Variants in FNTB observed in about 807,000 individuals in gnomAD.
FNTB encodes protein farnesyltransferase subunit beta.
FNTB carries 27 observed loss-of-function variants against 59.4 expected under a neutral mutation model. The observed-to-expected ratio is 0.45, with a 90% CI of 0.34 to 0.63. The LOEUF (loss-of-function observed/expected upper bound fraction) is 0.63. Ranked by LOEUF, FNTB falls within the 20% of genes least tolerant of loss-of-function variation. The pLI, the probability that FNTB is intolerant of heterozygous loss-of-function variation, is 0.02. For missense variants in FNTB, 449 were observed against 559.6 expected (o/e 0.80, Z 1.99); for synonymous variants, 230 against 220.7 (o/e 1.04, Z -0.37).
rs941511294 is a variant in FNTB at position 64,997,760 on chromosome 14, A to C, written c.145-6489A>C. 5.3e-5 allele frequency among the ~76,000 whole-genome samples: 8 copies of C among 152,262 alleles called. No individual in the cohort carries two copies. Among genetic ancestry groups the C allele is most frequent in the Non-Finnish European group, 1.2e-4 (8 of 68,052 alleles). ...TAAGGTTTGTTATGCAGGTTTAGGC[A>C]GGTGCCTTCTCCATTGGTAAGAGTT... On this transcript the variant is annotated intron_variant, in intron 1 of 11. Transcript: ENST00000246166. The surrounding 1 kb of genome is among the most constrained non-coding windows in gnomAD (Gnocchi z 4.5).
chr14:64,992,865 G>T (rs1313589952), intron 1 of FNTB, among the ~76,000 whole-genome samples: 2 of 152,006 alleles, frequency 1.3e-5, no homozygotes, highest in African/African-American at 2.4e-5. Flanking sequence ...TAAAGACAGG[G>T]TCTCACTCTG....
chr14:65,032,732 G>A lies in FNTB; in HGVS notation c.692+36G>A, dbSNP rs7148144. On this transcript the variant is annotated intron_variant, in intron 7 of 11. Transcript: ENST00000246166. This position sits in a 1 kb window ranked among gnomAD's most constrained non-coding sequence, Gnocchi z 5.0. ...CCAGGGTTTCTCCTGGCCTCTTGGA[G>A]AGCAGGCGGTCACGACACTACTTCA... 157,943 of 1,599,550 alleles carry A rather than the reference G, an allele frequency of 0.099. 14,256 individuals are homozygous for A. Among genetic ancestry groups the A allele is most frequent in the African/African-American group, 0.43 (31,994 of 74,214 alleles).
chr14:65,014,666 T>C lies in FNTB; in HGVS notation c.283-959T>C, dbSNP rs756057012. On this transcript the variant is annotated intron_variant, in intron 3 of 11. Transcript: ENST00000246166. The surrounding 1 kb of genome is among the most constrained non-coding windows in gnomAD (Gnocchi z 5.1). ...CTGTCTCTATAAAAACTTAAAAAAT[T>C]AGCCAGGCATAGTGGTGTGTGCCCG... Among the ~76,000 whole-genome samples, 3 of 152,030 alleles carry C rather than the reference T, an allele frequency of 2.0e-5. No individual in the cohort carries two copies. Among genetic ancestry groups the C allele is most frequent in the Admixed American group, 6.6e-5 (1 of 15,244 alleles).
intron 9 of FNTB, among the ~76,000 whole-genome samples, chr14:65,050,279 T>A (rs1167778186): frequency 1.3e-5 from 2 of 152,212 alleles, no homozygotes; most frequent in African/African-American, 4.8e-5. Context: ...TTTACCATTT[T>A]AATTGCTGAT....
At chr14:65,005,449 T>TCTTCC (rs1446984518) in intron 2 of FNTB, among the ~76,000 whole-genome samples, 8 of 119,812 alleles carry the variant, frequency 6.7e-5, no homozygotes, top group African/African-American at 2.2e-4. Context: ...TCTTCCTTTC[T>TCTTCC]TTTCTTTCTT....
chr14:65,020,330 C>G (rs557269623), intron 4 of FNTB, among the ~76,000 whole-genome samples: 6 of 152,254 alleles, frequency 3.9e-5, no homozygotes, highest in African/African-American at 1.4e-4. Context: ...CTGGGCTGGT[C>G]TCAATCTCCT....
chr14:65,008,171 G>A (rs184841398), intron 2 of FNTB, among the ~76,000 whole-genome samples: 2 of 152,258 alleles, frequency 1.3e-5, no homozygotes, highest in East Asian at 3.9e-4. Context: ...CTTATTTTTT[G>A]ACTAGAGAGG....
At chr14:65,022,611 C>T (rs2061909735) in intron 4 of FNTB, among the ~76,000 whole-genome samples, 2 of 152,042 alleles carry the variant, frequency 1.3e-5, no homozygotes, top group South Asian at 4.1e-4. Flanking sequence ...AAGTGATCCT[C>T]CTGCCTTGGC....
chr14:64,996,827 A>G (rs1888415230), intron 1 of FNTB, among the ~76,000 whole-genome samples: 1 of 141,490 alleles, frequency 7.1e-6, no homozygotes, highest in Non-Finnish European at 1.5e-5. Context: ...AATTAGAAAT[A>G]TAGCCAAAGC....
intron 9 of FNTB, among the ~76,000 whole-genome samples, chr14:65,052,767 G>T (rs569541550): frequency 2.0e-5 from 3 of 152,208 alleles, no homozygotes; most frequent in Non-Finnish European, 1.5e-5. Flanking sequence ...TTTAGGCTTA[G>T]AAAAGTAGAA....
At chr14:65,022,226 T>C (rs1265378500) in intron 4 of FNTB, 3 of 368,490 alleles carry the variant, frequency 8.1e-6, no homozygotes, top group Non-Finnish European at 1.6e-5. Context: ...CATCCCCTCC[T>C]AAGCCGTTCT....
At chr14:64,998,087 A>G (rs958600636) in intron 1 of FNTB, among the ~76,000 whole-genome samples, 1 of 152,166 alleles carries the variant, frequency 6.6e-6, no homozygotes, top group African/African-American at 2.4e-5. Context: ...AACATTTAAA[A>G]GGTTTGTTAT....
chr14:65,021,956 A>T (rs2061895624), intron 4 of FNTB: 1 of 455,894 alleles, frequency 2.2e-6, no homozygotes, highest in African/African-American at 2.0e-5. Flanking sequence ...TATAGTAGCC[A>T]ACTTTCGACC....
At position 65,027,629 on chromosome 14, in the gene FNTB, C is replaced by G. The variant is rs772339288; in HGVS notation, c.521+30C>G. ...AGTGAAAGCCAGCAGTGACAGAAAC[C>G]TAGAGGAGTTCCCCGCCTGCTGACA... On this transcript the variant is annotated intron_variant, in intron 5 of 11. Coordinates refer to ENST00000246166, the MANE Select transcript of FNTB (RefSeq NM_002028.4). This position sits in a 1 kb window ranked among gnomAD's most constrained non-coding sequence, Gnocchi z 5.7. 1.9e-6 allele frequency: 3 copies of G among 1,614,032 alleles called. No individual in the cohort carries two copies. Among genetic ancestry groups the G allele is most frequent in the Non-Finnish European group, 2.5e-6 (3 of 1,179,936 alleles).
At chr14:64,996,211 G>T (rs1257160373) in intron 1 of FNTB, among the ~76,000 whole-genome samples, 1 of 152,092 alleles carries the variant, frequency 6.6e-6, no homozygotes, top group Non-Finnish European at 1.5e-5. Flanking sequence ...AGCACTTTGG[G>T]AGGCTGAGGC....
At chr14:65,025,136 C>G (rs1396202155) in intron 4 of FNTB, among the ~76,000 whole-genome samples, 1 of 152,138 alleles carries the variant, frequency 6.6e-6, no homozygotes, top group East Asian at 1.9e-4. Flanking sequence ...TCTAGCACAG[C>G]CCCAGACAGT....
intron 7 of FNTB, among the ~76,000 whole-genome samples, chr14:65,036,793 A>G (rs944844557): frequency 6.6e-6 from 1 of 151,956 alleles, no homozygotes; most frequent in Non-Finnish European, 1.5e-5. Context: ...GCCTGCCACC[A>G]TGCCTGACTA....
chr14:64,987,463 A>G (rs1004798634), intron 1 of FNTB: 6 of 255,596 alleles, frequency 2.3e-5, no homozygotes, highest in African/African-American at 2.2e-5. Context: ...TGCATAGTGC[A>G]CTTTTCCCAA....
At chr14:65,037,262 C>T (rs910791372) in intron 7 of FNTB, among the ~76,000 whole-genome samples, 6 of 151,124 alleles carry the variant, frequency 4.0e-5, no homozygotes, top group Non-Finnish European at 7.4e-5. Context: ...CACGACCACG[C>T]CCAGCTAATT....
Sources: gnomAD v4.1 joint callset for allele counts (sites outside exome capture counted in the v4.1 genomes callset) on GRCh38, gnomAD v4.1.1 for gene constraint, Gnocchi (gnomAD v3.1) non-coding constraint, MANE v1.5 for transcripts, NCBI Gene and HGNC (gene_info 2026-07-23, HGNC 2026-07-21) for gene names.